RC3H2: variants seen among roughly 807,000 people sequenced by gnomAD.
RC3H2 encodes roquin-2.
RC3H2 carries 31 observed loss-of-function variants against 133.3 expected under a neutral mutation model. The observed-to-expected ratio is 0.23, with a 90% CI of 0.17 to 0.31. The LOEUF is 0.31. RC3H2 is among the 10% of genes least tolerant of loss of function. RC3H2 has a pLI of 1.00. For missense variants in RC3H2, 1,175 were observed against 1,437.2 expected (o/e 0.82, Z 2.95); for synonymous variants, 517 against 502.2 (o/e 1.03, Z -0.40).
intron 1 of RC3H2, among the ~76,000 whole-genome samples, chr9:122,901,024 A>G (rs1037760739): frequency 1.3e-5 from 2 of 152,242 alleles, no homozygotes; most frequent in Non-Finnish European, 1.5e-5. Flanking sequence ...AAACTGCTTT[A>G]TTAAGAGCCA....
chr9:122,867,414 G>T (rs1228105262), intron 9 of RC3H2, among the ~76,000 whole-genome samples: 1 of 144,764 alleles, frequency 6.9e-6, no homozygotes, highest in Non-Finnish European at 1.5e-5. Flanking sequence ...AGGTTGGGGG[G>T]TCAGCACCCC....
chr9:122,891,417 T>A (rs562686258), intron 3 of RC3H2, among the ~76,000 whole-genome samples: 1 of 152,308 alleles, frequency 6.6e-6, no homozygotes, highest in Admixed American at 6.5e-5. Flanking sequence ...CTTAGCCAAT[T>A]GTAGATCACT....
At chr9:122,888,404 C>T (rs1564313553) in intron 4 of RC3H2, among the ~76,000 whole-genome samples, 1 of 152,100 alleles carries the variant, frequency 6.6e-6, no homozygotes, top group Non-Finnish European at 1.5e-5. Context: ...AAGTACAAAA[C>T]AAGATAGAGT....
At chr9:122,905,047 G>A (rs1165978537) in intron 1 of RC3H2, 63 bp downstream of exon 1, 3 of 973,438 alleles carry the variant, frequency 3.1e-6, no homozygotes, top group African/African-American at 3.5e-5. Flanking sequence ...TCTCCCGCCC[G>A]ACCGCCGGGG....
At chr9:122,877,330 T>C in intron 9 of RC3H2, 141 bp downstream of exon 9, 1 of 643,218 alleles carries the variant, frequency 1.6e-6, no homozygotes, top group Non-Finnish European at 2.7e-6. Flanking sequence ...CCCCGCAAAC[T>C]GCTGGGACTA....
Position 122,865,797 on chromosome 9 carries a change from TAC to T in RC3H2, c.1326-142_1326-141del. 6 of 653,610 alleles carry T rather than the reference TAC, an allele frequency of 9.2e-6. 1 individual carries two copies. In the South Asian group the frequency reaches 1.2e-4, roughly 13 times the overall value. 40.5% of individuals were successfully genotyped at this position (653,610 alleles called of 1,614,324 possible). A position where few individuals can be genotyped will look rare whatever the true frequency, so the allele number is the denominator to read the frequency against. On this transcript the variant is annotated intron_variant, in intron 9 of 20. Coordinates refer to ENST00000357244, the MANE Select transcript of RC3H2 (RefSeq NM_001100588.3). ...AAGTTTCTTCAGCTAAATAATCAAA[TAC>T]AGTCTATATCAAATTCTACTGCAAC...
chr9:122,854,470 A>G, intron 16 of RC3H2, 61 bp downstream of exon 16: 1 of 1,324,800 alleles, frequency 7.5e-7, no homozygotes, highest in East Asian at 2.3e-5. Flanking sequence ...TAGAATGTGT[A>G]CCCTTAAGAT....
intron 4 of RC3H2, 84 bp downstream of exon 4, chr9:122,890,228 G>T: frequency 1.1e-6 from 1 of 936,490 alleles, no homozygotes; most frequent in Non-Finnish European, 1.7e-6. Flanking sequence ...GACGGGTTGA[G>T]TCTCAGGATT....
intron 4 of RC3H2, among the ~76,000 whole-genome samples, chr9:122,889,871 G>A (rs561674520): frequency 8.5e-5 from 13 of 152,342 alleles, no homozygotes; most frequent in Admixed American, 7.8e-4. Context: ...GCTGGGTGCA[G>A]TGGCTCACGC....
At chr9:122,850,961 C>G in intron 20 of RC3H2, 120 bp downstream of exon 20, 5 of 1,052,882 alleles carry the variant, frequency 4.7e-6, no homozygotes, top group Non-Finnish European at 6.9e-6. Context: ...CCAGATTGAC[C>G]AAATCATTGC....
Position 122,875,372 on chromosome 9 carries a change from T to G in RC3H2, c.1325+2099A>C, listed in dbSNP as rs1165808941. On this transcript the variant is annotated intron_variant, in intron 9 of 20. Transcript: ENST00000357244. ...ATATAGTCCACGGGGGTTACACTTA[T>G]GTAAGATAGACAAACATTTAATAAA... The G allele has an allele frequency of 5.8e-6, 9 of 1,538,746 alleles. No individual in the cohort carries two copies. In the Admixed American group the frequency reaches 1.9e-4, roughly 32 times the overall value.
At chr9:122,894,419 G>C (rs576993725) in intron 2 of RC3H2, among the ~76,000 whole-genome samples, 1 of 151,868 alleles carries the variant, frequency 6.6e-6, no homozygotes, top group East Asian at 1.9e-4. Flanking sequence ...AGGAGAAGAG[G>C]TAGCCAATCA....
At chr9:122,894,837 G>A (rs560089257) in intron 2 of RC3H2, among the ~76,000 whole-genome samples, 13 of 152,168 alleles carry the variant, frequency 8.5e-5, no homozygotes, top group Admixed American at 4.6e-4. Context: ...CCGAGATTGC[G>A]CCACTGCACT....
intron 4 of RC3H2, 35 bp downstream of exon 4, chr9:122,890,277 G>A: frequency 6.4e-7 from 1 of 1,560,512 alleles, no homozygotes; most frequent in East Asian, 2.3e-5. Context: ...AGCCCCAATA[G>A]CTAATAAAAA....
chr9:122,892,410 A>T (rs534450171), intron 3 of RC3H2, among the ~76,000 whole-genome samples: 1 of 151,346 alleles, frequency 6.6e-6, no homozygotes, highest in East Asian at 1.9e-4. Context: ...CACCACACCC[A>T]GCTTGAATTC....
Position 122,905,305 on chromosome 9 carries a change from C to A in RC3H2, c.-263G>T. On this transcript the variant is annotated 5_prime_UTR_variant, in exon 1 of 21. Coordinates refer to ENST00000357244, the MANE Select transcript of RC3H2 (RefSeq NM_001100588.3). The stretch of plus-strand genomic sequence containing the variant: ...CGACGGGGCCTCCTCCTCCTCCCTC[C>A]ACCTCCGCCTCCTCCTCCTCCTCCT... 1.0e-6 allele frequency: 1 copy of A among 985,726 alleles called. No homozygotes were observed. Among genetic ancestry groups the A allele is most frequent in the Non-Finnish European group, 1.2e-6 (1 of 829,968 alleles). The allele number at this position is 985,726 out of a possible 1,614,324, so 61.1% of individuals were successfully genotyped here. A position where few individuals can be genotyped will look rare whatever the true frequency, so the allele number is the denominator to read the frequency against.
chr9:122,875,030 C>T (rs1048991692), intron 9 of RC3H2: 36 of 849,754 alleles, frequency 4.2e-5, no homozygotes, highest in Non-Finnish European at 5.7e-5. Context: ...CTCAAAAGCT[C>T]CCCTTTTAGC....
chr9:122,856,726 A>G (rs978333981), intron 13 of RC3H2, among the ~76,000 whole-genome samples: 3 of 152,220 alleles, frequency 2.0e-5, no homozygotes, highest in Non-Finnish European at 4.4e-5. Flanking sequence ...CCAGAATACT[A>G]AAGTTATAAG....
chr9:122,903,935 C>T (rs1049519973), intron 1 of RC3H2, among the ~76,000 whole-genome samples: 2 of 152,210 alleles, frequency 1.3e-5, no homozygotes, highest in Admixed American at 6.5e-5. Flanking sequence ...TTCTTAATAT[C>T]GTAAAAAGCT....
Sources: gnomAD v4.1 joint callset for allele counts (sites outside exome capture counted in the v4.1 genomes callset) on GRCh38, gnomAD v4.1.1 for gene constraint, MANE v1.5 for transcripts, NCBI Gene and HGNC (gene_info 2026-07-23, HGNC 2026-07-21) for gene names.